The following CELF1 variants were observed in gnomAD, a reference collection of about 807,000 sequenced individuals.
CELF1 encodes 50 kDa nuclear polyadenylated RNA-binding protein.
Under a neutral mutation model 61.8 loss-of-function variants are expected in CELF1, and 10 were observed. That is an observed-to-expected ratio of 0.16 (90% CI 0.10 to 0.27). The LOEUF (loss-of-function observed/expected upper bound fraction) is 0.27, where lower values mean the gene tolerates loss of function less well. Among genes scored for constraint, CELF1 ranks in the 10% least tolerant of loss-of-function variants. The probability of loss-of-function intolerance (pLI) is 1.00; values close to 1 mark genes in which losing one functional copy is unlikely to be tolerated. For missense variants in CELF1, 380 were observed against 639.1 expected, an observed-to-expected ratio of 0.59 and a Z score of 4.37; for synonymous variants, 236 against 225.1, an observed-to-expected ratio of 1.05 and a Z score of -0.43.
intron 1 of CELF1, among the ~76,000 whole-genome samples, chr11:47,541,307 AAAC>A (rs2096767731): frequency 6.6e-6 from 1 of 152,174 alleles, no homozygotes; most frequent in South Asian, 2.1e-4. Context: ...ATCTCACAGG[AAAC>A]AAAAAGGTAA....
In CELF1 at chr11:47,475,541, G is replaced by C; in HGVS notation, c.1088-20C>G. The C allele has an allele frequency of 6.2e-7, 1 of 1,612,376 alleles. No individual in the cohort carries two copies. Among genetic ancestry groups the C allele is most frequent in the Non-Finnish European group, 8.5e-7 (1 of 1,179,062 alleles). Reference sequence around the variant, plus strand: ...CCATTCCTTGGTTGGAGGAAGAGAAGGATTAATATACTAGAAAGACTAAAC... The same window carrying C: ...CCATTCCTTGGTTGGAGGAAGAGAACGATTAATATACTAGAAAGACTAAAC... On this transcript the variant is annotated intron_variant, in intron 12 of 14. Coordinates refer to ENST00000687097, the MANE Select transcript of CELF1 (RefSeq NM_001376376.1).
intron 6 of CELF1, among the ~76,000 whole-genome samples, chr11:47,485,804 G>A (rs553765560): frequency 2.4e-4 from 36 of 150,100 alleles, no homozygotes; most frequent in Admixed American, 2.1e-3. Flanking sequence ...TGATCCGCCC[G>A]CCGTGCGCTC....
chr11:47,563,478 G>C (rs1208186652), intron 2 of CELF1, among the ~76,000 whole-genome samples: 2 of 152,144 alleles, frequency 1.3e-5, no homozygotes, highest in Admixed American at 6.6e-5. Flanking sequence ...CTGAGGTCAG[G>C]AGTTCAAGAG....
At chr11:47,488,697 TG>T in intron 4 of CELF1, 139 bp downstream of exon 4, 1 of 582,190 alleles carries the variant, frequency 1.7e-6, no homozygotes, top group Non-Finnish European at 2.8e-6. Context: ...AGGAGTATTC[TG>T]GCAATGACAG....
intron 2 of CELF1, among the ~76,000 whole-genome samples, chr11:47,558,749 A>ATATATATAATATATATAATTG (rs2097216336): frequency 8.6e-6 from 1 of 116,162 alleles, no homozygotes; most frequent in Admixed American, 1.2e-4. Context: ...TGTATATATA[A>ATATATATAATATATATAATTG]TATATATAAT....
chr11:47,519,439 C>T (rs887678577), intron 1 of CELF1, among the ~76,000 whole-genome samples: 52 of 151,840 alleles, frequency 3.4e-4, no homozygotes, highest in African/African-American at 1.2e-3. Context: ...GAGATCACAC[C>T]ACTGCACTCC....
upstream of CELF1, chr11:47,553,165 CG>C: frequency 2.5e-6 from 1 of 394,052 alleles, no homozygotes. Context: ...CACCTACCAC[CG>C]GCGGGGAGGG....
chr11:47,484,446 A>C lies in CELF1; in HGVS notation c.469T>G (p.Ser157Ala). 1 of 1,613,954 alleles carries C rather than the reference A, an allele frequency of 6.2e-7. No individual in the cohort carries two copies. Among genetic ancestry groups the C allele is most frequent in the South Asian group, 1.1e-5 (1 of 91,028 alleles). Residue 157 changes from serine (S) to alanine (A), a missense_variant, in exon 7 of 15, where the codon TCG becomes GCG. Coordinates refer to ENST00000687097, the MANE Select transcript of CELF1 (RefSeq NM_001376376.1). Reference protein sequence around the residue: ...TENDIRVMFSSFGQIEECRIL... With the variant: ...TENDIRVMFSAFGQIEECRIL... ...CGGCATTCTTCAATCTGTCCAAACG[A>C]AGAGAACATGACTCGGATGTCATTT... is the stretch of plus-strand genomic sequence containing the variant.
At chr11:47,549,807 GT>G (rs1407187615) in intron 1 of CELF1, among the ~76,000 whole-genome samples, 15 of 146,526 alleles carry the variant, frequency 1.0e-4, no homozygotes, top group African/African-American at 3.7e-4. Flanking sequence ...AGTAAATGTT[GT>G]GGGTTTTTTT....
chr11:47,564,230 G>T (rs776389383), intron 2 of CELF1: 1 of 149,132 alleles, frequency 6.7e-6, no homozygotes, highest in African/African-American at 2.5e-5. Context: ...CTGTAATCCT[G>T]GCACTTTGGG....
chr11:47,539,545 C>T (rs1452318328), intron 1 of CELF1, among the ~76,000 whole-genome samples: 1 of 152,208 alleles, frequency 6.6e-6, no homozygotes, highest in Non-Finnish European at 1.5e-5. Context: ...GTAATCCCAG[C>T]TACTCTTCCA....
chr11:47,540,989 T>TAGC, intron 1 of CELF1, among the ~76,000 whole-genome samples: 1 of 152,174 alleles, frequency 6.6e-6, no homozygotes, highest in African/African-American at 2.4e-5. Context: ...CATGGTAAGT[T>TAGC]AGCAGCAGCA....
At chr11:47,487,065 C>T in intron 5 of CELF1, 94 bp downstream of exon 5, 1 of 1,013,952 alleles carries the variant, frequency 9.9e-7, no homozygotes, top group South Asian at 1.4e-5. Flanking sequence ...TTACCTTTTC[C>T]CCAAAATGGT....
intron 1 of CELF1, among the ~76,000 whole-genome samples, chr11:47,501,589 C>T (rs1172551360): frequency 6.6e-6 from 1 of 151,922 alleles, no homozygotes; most frequent in Non-Finnish European, 1.5e-5. Context: ...CCAAGGCGGG[C>T]GGATCACCTG....
chr11:47,509,628 T>C (rs929857730), intron 1 of CELF1, among the ~76,000 whole-genome samples: 78 of 152,136 alleles, frequency 5.1e-4, no homozygotes, highest in African/African-American at 1.6e-3. Flanking sequence ...GAGTGGTTCA[T>C]GCCTGTAATC....
chr11:47,541,836 A>G (rs866970105), intron 1 of CELF1, among the ~76,000 whole-genome samples: 2 of 150,706 alleles, frequency 1.3e-5, no homozygotes, highest in African/African-American at 2.4e-5. Flanking sequence ...GAAAGAAAGA[A>G]AATGGAAACT....
intron 1 of CELF1, among the ~76,000 whole-genome samples, chr11:47,538,641 T>TC (rs2096695028): frequency 4.1e-5 from 1 of 24,678 alleles, no homozygotes. Context: ...AGACTCCGTC[T>TC]CAAAAAAAAA....
chr11:47,538,661 A>G (rs1267381953), intron 1 of CELF1, among the ~76,000 whole-genome samples: 1 of 151,430 alleles, frequency 6.6e-6, no homozygotes, highest in Non-Finnish European at 1.5e-5. Flanking sequence ...AAAAAAAAAA[A>G]ATCTCCATTT....
At chr11:47,495,057 C>A (rs1314142657) in intron 3 of CELF1, among the ~76,000 whole-genome samples, 1 of 152,152 alleles carries the variant, frequency 6.6e-6, no homozygotes, top group East Asian at 1.9e-4. Flanking sequence ...AGCTGCGATA[C>A]AGAATATTTT....
Sources: allele counts gnomAD v4.1 joint callset (sites outside exome capture counted in the v4.1 genomes callset), GRCh38; gene constraint gnomAD v4.1.1; transcripts MANE v1.5; gene names NCBI Gene and HGNC (gene_info 2026-07-23, HGNC 2026-07-21).